MANBA: variants seen among roughly 807,000 people sequenced by gnomAD.
MANBA encodes the protein beta-mannosidase.
MANBA carries 83 observed loss-of-function variants against 111.1 expected under a neutral mutation model. That is an observed-to-expected ratio of 0.75 (90% CI 0.63 to 0.90). MANBA has a LOEUF of 0.90. Ranked by LOEUF, MANBA falls within the 40% of genes least tolerant of loss-of-function variation. The probability of loss-of-function intolerance (pLI) is 0.00; values close to 1 mark genes in which losing one functional copy is unlikely to be tolerated. For synonymous variants in MANBA, 370 were observed against 378.7 expected, an observed-to-expected ratio of 0.98 and a Z score of 0.27; for missense variants, 1,036 against 1,069.0, an observed-to-expected ratio of 0.97 and a Z score of 0.43.
At chr4:102,634,417 A>C (rs1320177681) in intron 16 of MANBA, among the ~76,000 whole-genome samples, 34 of 152,232 alleles carry the variant, frequency 2.2e-4, no homozygotes, top group Admixed American at 2.2e-3. Flanking sequence ...AATGCAGATG[A>C]TAATGCCTGG....
intron 12 of MANBA, among the ~76,000 whole-genome samples, chr4:102,657,222 T>TG (rs1553944231): frequency 0.017 from 905 of 52,196 alleles, 15 homozygotes; most frequent in East Asian, 0.031. Flanking sequence ...AGGAGTGGGG[T>TG]GGGGGGGGGG....
At chr4:102,681,112 G>A (rs1731958694) in intron 7 of MANBA, among the ~76,000 whole-genome samples, 1 of 152,074 alleles carries the variant, frequency 6.6e-6, no homozygotes, top group Admixed American at 6.6e-5. Context: ...GACCAGCCTG[G>A]GCAACATGGC....
At chr4:102,681,175 C>T (rs935265244) in intron 7 of MANBA, among the ~76,000 whole-genome samples, 6 of 151,998 alleles carry the variant, frequency 3.9e-5, no homozygotes, top group Admixed American at 1.3e-4. Flanking sequence ...AACTACTCCC[C>T]ATCTCTAGAA....
chr4:102,746,108 G>T (rs1033043932), intron 1 of MANBA, among the ~76,000 whole-genome samples: 1 of 152,198 alleles, frequency 6.6e-6, no homozygotes, highest in African/African-American at 2.4e-5. Context: ...TTGGGGAGGG[G>T]ATGTTGCCAC....
At chr4:102,755,296 G>C (rs1451830084) in intron 1 of MANBA, among the ~76,000 whole-genome samples, 6 of 152,126 alleles carry the variant, frequency 3.9e-5, no homozygotes, top group Non-Finnish European at 7.3e-5. Context: ...GAACAGAACA[G>C]AGCCCTCAGA....
At chr4:102,638,846 C>T (rs185460189) in intron 14 of MANBA, among the ~76,000 whole-genome samples, 2 of 152,232 alleles carry the variant, frequency 1.3e-5, no homozygotes, top group East Asian at 1.9e-4. Flanking sequence ...TTCTTTTGAT[C>T]TGCATTCACA....
At chr4:102,660,338 C>A (rs576341349) in intron 11 of MANBA, among the ~76,000 whole-genome samples, 6 of 152,076 alleles carry the variant, frequency 3.9e-5, no homozygotes, top group Non-Finnish European at 8.8e-5. Flanking sequence ...ACCTCCATGA[C>A]CTTGGGGACT....
intron 1 of MANBA, chr4:102,728,306 C>T: frequency 3.7e-6 from 2 of 535,292 alleles, no homozygotes; most frequent in South Asian, 2.8e-5. Context: ...TTTGAAGTGA[C>T]TTTTCTGGAT....
At chr4:102,694,237 T>C (rs918146710) in intron 5 of MANBA, among the ~76,000 whole-genome samples, 7 of 152,072 alleles carry the variant, frequency 4.6e-5, no homozygotes. Flanking sequence ...AAAAACACAG[T>C]ATGAAGATCT....
At chr4:102,657,231 G>C (rs1351123558) in intron 12 of MANBA, among the ~76,000 whole-genome samples, 1 of 110,252 alleles carries the variant, frequency 9.1e-6, no homozygotes, top group Admixed American at 1.0e-4. Context: ...GTGGGGGGGG[G>C]GTGGGCGGTG....
chr4:102,723,139 T>C, intron 3 of MANBA, 98 bp from the exon 4 acceptor site: 1 of 1,077,110 alleles, frequency 9.3e-7, no homozygotes, highest in Non-Finnish European at 1.4e-6. Context: ...ACACATAATA[T>C]AATGCCGATC....
Position 102,669,099 on chromosome 4 carries a change from A to T in MANBA, c.1231-50T>A, listed in dbSNP as rs371427023. ...GCAACACTTCCATAAGTTTTATTAC[A>T]CAGAAGAAAGTCTTTATTCTGAGCT... On this transcript the variant is annotated intron_variant, in intron 9 of 16. Coordinates refer to ENST00000647097, the MANE Select transcript of MANBA (RefSeq NM_005908.4). 7.0e-5 allele frequency: 96 copies of T among 1,369,106 alleles called. 1 individual carries two copies. Among genetic ancestry groups the T allele is most frequent in the Middle Eastern group, 3.6e-4 (2 of 5,606 alleles). The allele number at this position is 1,369,106 out of a possible 1,614,324, so 84.8% of individuals were successfully genotyped here.
intron 5 of MANBA, among the ~76,000 whole-genome samples, chr4:102,704,989 G>T (rs541318323): frequency 6.6e-6 from 1 of 152,306 alleles, no homozygotes; most frequent in South Asian, 2.1e-4. Context: ...TGGCTGACTA[G>T]CGGCATCTGG....
chr4:102,700,084 TG>T (rs1441271355), intron 5 of MANBA, among the ~76,000 whole-genome samples: 2 of 148,954 alleles, frequency 1.3e-5, no homozygotes. Context: ...GGTTTAGTCT[TG>T]GGAGAGTGTA....
intron 13 of MANBA, among the ~76,000 whole-genome samples, chr4:102,641,329 A>G (rs1478262551): frequency 1.3e-5 from 2 of 152,230 alleles, no homozygotes; most frequent in Non-Finnish European, 2.9e-5. Flanking sequence ...AGACCCTGGA[A>G]GGCCACATGT....
At chr4:102,651,978 A>G (rs972043099) in intron 12 of MANBA, among the ~76,000 whole-genome samples, 1 of 152,096 alleles carries the variant, frequency 6.6e-6, no homozygotes, top group Admixed American at 6.6e-5. Context: ...AATTGACACA[A>G]TAAGTGTACA....
chr4:102,639,608 A>T, intron 14 of MANBA, 105 bp downstream of exon 14: 1 of 1,461,742 alleles, frequency 6.8e-7, no homozygotes, highest in Non-Finnish European at 9.5e-7. Context: ...TTTTGGTCAT[A>T]GTTCTGCCTG....
chr4:102,635,136 T>A (rs1172978458), intron 15 of MANBA, 91 bp from the exon 16 acceptor site: 2 of 1,443,796 alleles, frequency 1.4e-6, no homozygotes, highest in Non-Finnish European at 1.9e-6. Context: ...AAAGTCAGGT[T>A]AGCAGAAATG....
intron 7 of MANBA, among the ~76,000 whole-genome samples, chr4:102,687,246 C>A (rs569608184): frequency 6.6e-6 from 1 of 152,252 alleles, no homozygotes; most frequent in Admixed American, 6.5e-5. Flanking sequence ...GTTCTGTAGA[C>A]CAACCAATCC....
Sources: allele counts gnomAD v4.1 joint callset (sites outside exome capture counted in the v4.1 genomes callset), GRCh38; gene constraint gnomAD v4.1.1; transcripts MANE v1.5; gene names NCBI Gene and HGNC (gene_info 2026-07-23, HGNC 2026-07-21).